The following PIM1 variants were observed in gnomAD, a reference collection of about 807,000 sequenced individuals.
PIM1 encodes the protein serine/threonine-protein kinase pim-1.
Under a neutral mutation model 34.5 loss-of-function variants are expected in PIM1, and 9 were observed. The ratio of observed to expected loss-of-function variants is 0.26; its 90% CI spans 0.16 to 0.46. The LOEUF is 0.46. Among genes scored for constraint, PIM1 ranks in the 20% least tolerant of loss-of-function variants. The pLI is 1.00. For synonymous variants in PIM1, 199 were observed against 175.2 expected (o/e 1.14, Z -1.07); for missense variants, 274 against 410.9 (o/e 0.67, Z 2.88).
In PIM1 at chr6:37,172,923, T is replaced by C. The variant is rs1762332526; in HGVS notation, c.608-73T>C. 5 of 1,272,618 alleles carry C rather than the reference T, an allele frequency of 3.9e-6. No homozygotes were observed. In the South Asian group the frequency reaches 4.9e-5, roughly 13 times the overall value. 78.8% of individuals were successfully genotyped at this position (1,272,618 alleles called of 1,614,324 possible). A position where few individuals can be genotyped will look rare whatever the true frequency, so the allele number is the denominator to read the frequency against. On this transcript the variant is annotated intron_variant, in intron 4 of 5. Transcript: ENST00000373509. ...TTTTTTTTTTTAAAAGAAAGAGTTA[T>C]ATATACCACCCAGCTTCTTTGTGCT...
rs372702661 is a variant in PIM1 at position 37,170,893 on chromosome 6, C to T, written c.189+14C>T. On this transcript the variant is annotated intron_variant, in intron 2 of 5. Coordinates refer to ENST00000373509, the MANE Select transcript of PIM1 (RefSeq NM_002648.4). Reference sequence around the variant, plus strand: ...GACAACTTGCCGGTGAGTGGGCGCCCCGCGGTGGGGAGGGCGCGCCGGGCG... The same window carrying T: ...GACAACTTGCCGGTGAGTGGGCGCCTCGCGGTGGGGAGGGCGCGCCGGGCG... 1.1e-4 allele frequency: 175 copies of T among 1,612,160 alleles called. No individual in the cohort carries two copies. In the African/African-American group the frequency reaches 2.1e-3, roughly 19 times the overall value.
chr6:37,173,222 A>G (rs1310290564), intron 5 of PIM1, 50 bp downstream of exon 5: 2 of 1,530,090 alleles, frequency 1.3e-6, no homozygotes, highest in Middle Eastern at 1.7e-4. Flanking sequence ...TAATGGGGCT[A>G]TTAGTCTTCA....
chr6:37,174,602 CCA>C lies in PIM1; in HGVS notation c.*512_*513del, dbSNP rs1460268759. On this transcript the variant is annotated 3_prime_UTR_variant, in exon 6 of 6. Coordinates refer to ENST00000373509, the MANE Select transcript of PIM1 (RefSeq NM_002648.4). ...CTTGCCTCTTTTACCTGCTGCTTCT[CCA>C]AAAATCTGCCTGGGTTTTGTTCCCT... 4.3e-6 allele frequency: 1 copy of C among 234,018 alleles called. No homozygotes were observed. Among genetic ancestry groups the C allele is most frequent in the Non-Finnish European group, 8.4e-6 (1 of 118,364 alleles). 14.5% of individuals were successfully genotyped at this position (234,018 alleles called of 1,614,324 possible).
intron 1 of PIM1, 28 bp downstream of exon 1, chr6:37,170,685 G>T (rs367735069): frequency 1.7e-5 from 28 of 1,606,776 alleles, no homozygotes; most frequent in Non-Finnish European, 2.4e-5. Flanking sequence ...CTCCGGCCCG[G>T]GGATGCGGGG....
intron 5 of PIM1, 37 bp from the exon 6 acceptor site, chr6:37,173,897 G>A (rs1489743461): frequency 6.3e-7 from 1 of 1,580,884 alleles, no homozygotes; most frequent in Admixed American, 1.8e-5. Context: ...AAAACAAGTT[G>A]AGTCATTCAT....
In PIM1 at chr6:37,170,312, G is replaced by A; in HGVS notation, c.-264G>A. On this transcript the variant is annotated 5_prime_UTR_variant, in exon 1 of 6. Coordinates refer to ENST00000373509, the MANE Select transcript of PIM1 (RefSeq NM_002648.4). The stretch of plus-strand genomic sequence containing the variant: ...CTCCTGCCCCGCGGCGCTGCCGCAC[G>A]AGCCCCACGAGCCGCTCACCCCGCC... 2 of 1,439,756 alleles carry A rather than the reference G, an allele frequency of 1.4e-6. No homozygotes were observed. The highest frequency in any genetic ancestry group is 1.8e-6 in the Non-Finnish European group (2 of 1,099,258). The allele number at this position is 1,439,756 out of a possible 1,614,324, so 89.2% of individuals were successfully genotyped here.
At chr6:37,171,567 C>G (rs1762286805) in intron 4 of PIM1, 76 bp downstream of exon 4, 2 of 1,521,564 alleles carry the variant, frequency 1.3e-6, no homozygotes, top group Admixed American at 4.4e-5. Flanking sequence ...CGGCCAGTCT[C>G]CCGCGCCAGC....
rs1209123331 is a variant in PIM1, at chr6:37,170,645, A to G, written c.70A>G (p.Lys24Glu). ...GCCCTGCAACGACCTGCACGCCACC[A>G]AGCTGGCGCCCGGTGAGAGCACCCC... ...AAPCNDLHAT[K>E]LAPGKEKEPL... The change falls in exon 1 of 6, where the codon AAG (lysine) becomes GAG (glutamate). Residue 24 changes from lysine (K) to glutamate (E), a missense_variant. By Grantham distance (56) the Lys-to-Glu change is moderately conservative. This residue lies in a region of PIM1 where 106 missense variants were observed against 111.5 expected (regional missense o/e 0.95). Transcript: ENST00000373509. 3 of 1,611,854 alleles carry G rather than the reference A, an allele frequency of 1.9e-6. No homozygotes were observed. The highest frequency in any genetic ancestry group is 1.3e-5 in the African/African-American group (1 of 74,674).
chr6:37,171,063 G>A, intron 3 of PIM1, 32 bp downstream of exon 3: 1 of 1,613,914 alleles, frequency 6.2e-7, no homozygotes, highest in Non-Finnish European at 8.5e-7. Flanking sequence ...CCCCCAGGAT[G>A]AGTGGGTGGG....
Position 37,174,258 on chromosome 6 carries a change from C to T in PIM1, c.*167C>T. ...CAGATCCCAGGCCCCTGGAGGCTGCCTCCCAACAGTGGGGAAGAGTGACTC... is the reference window on the plus strand; with the variant it reads ...CAGATCCCAGGCCCCTGGAGGCTGCTTCCCAACAGTGGGGAAGAGTGACTC... On this transcript the variant is annotated 3_prime_UTR_variant, in exon 6 of 6. Coordinates refer to ENST00000373509, the MANE Select transcript of PIM1 (RefSeq NM_002648.4). 1.5e-6 allele frequency: 1 copy of T among 646,822 alleles called. No individual in the cohort carries two copies. Among genetic ancestry groups the T allele is most frequent in the Non-Finnish European group, 2.6e-6 (1 of 389,906 alleles). The allele number at this position is 646,822 out of a possible 1,614,324, so 40.1% of individuals were successfully genotyped here.
chr6:37,170,247 G>GGCAGCA lies in PIM1; in HGVS notation c.-304_-299dup, dbSNP rs59116171. The stretch of plus-strand genomic sequence containing the variant: ...CGGTGGCAGCGGCGGCGGCGGGACC[G>GGCAGCA]GCAGCAGCAGCAGCAGCAGCAGCAG... On this transcript the variant is annotated 5_prime_UTR_variant, in exon 1 of 6. Transcript: ENST00000373509. The GGCAGCA allele has an allele frequency of 2.6e-4, 316 of 1,203,642 alleles. 2 individuals carry two copies. In the African/African-American group the frequency reaches 4.2e-3, roughly 16 times the overall value. The allele number at this position is 1,203,642 out of a possible 1,614,324, so 74.6% of individuals were successfully genotyped here. A position where few individuals can be genotyped will look rare whatever the true frequency, so the allele number is the denominator to read the frequency against.
At position 37,170,463 on chromosome 6, in the gene PIM1, G is replaced by T; in HGVS notation, c.-113G>T. On this transcript the variant is annotated 5_prime_UTR_variant, in exon 1 of 6. Coordinates refer to ENST00000373509, the MANE Select transcript of PIM1 (RefSeq NM_002648.4). ...CGCAGCCACAGCCGCAACGCCACCC[G>T]CAGCCACAGCCACAGCCACAGCCCC... is the stretch of plus-strand genomic sequence containing the variant. The T allele has an allele frequency of 6.4e-7, 1 of 1,557,926 alleles. No individual in the cohort carries two copies. Among genetic ancestry groups the T allele is most frequent in the Non-Finnish European group, 8.6e-7 (1 of 1,157,948 alleles).
In PIM1 at chr6:37,170,569, G is replaced by A. The variant is rs770100822; in HGVS notation, c.-7G>A. The A allele has an allele frequency of 3.1e-6, 5 of 1,612,942 alleles. No homozygotes were observed. The highest frequency in any genetic ancestry group is 3.4e-6 in the Non-Finnish European group (4 of 1,179,596). On this transcript the variant is annotated 5_prime_UTR_variant, in exon 1 of 6. Coordinates refer to ENST00000373509, the MANE Select transcript of PIM1 (RefSeq NM_002648.4). ...ACCGTCCCTGCGCCGACATCCTGGA[G>A]GTTGGGATGCTCTTGTCCAAAATCA...
chr6:37,174,456 TA>T lies in PIM1; in HGVS notation c.*366del. 1 of 265,850 alleles carries T rather than the reference TA, an allele frequency of 3.8e-6. No homozygotes were observed. The highest frequency in any genetic ancestry group is 7.3e-6 in the Non-Finnish European group (1 of 136,742). 16.5% of individuals were successfully genotyped at this position (265,850 alleles called of 1,614,324 possible). On this transcript the variant is annotated 3_prime_UTR_variant, in exon 6 of 6. Transcript: ENST00000373509. Reference sequence around the variant, plus strand: ...CTGCTGAATGCCGCGATGGGTCAGGTAGGGGGGAAACAGGTTGGGATGGGAT... The same window carrying T: ...CTGCTGAATGCCGCGATGGGTCAGGTGGGGGGAAACAGGTTGGGATGGGAT...
intron 4 of PIM1, chr6:37,172,443 GCT>G (rs1450156484): frequency 2.7e-6 from 1 of 375,678 alleles, no homozygotes; most frequent in African/African-American, 2.1e-5. Flanking sequence ...CAACCCTGCA[GCT>G]CTGTCTACCT....
intron 5 of PIM1, 35 bp from the exon 6 acceptor site, chr6:37,173,899 G>T: frequency 6.3e-7 from 1 of 1,583,284 alleles, no homozygotes. Context: ...AACAAGTTGA[G>T]TCATTCATAA....
intron 5 of PIM1, 101 bp from the exon 6 acceptor site, chr6:37,173,833 G>A: frequency 9.2e-7 from 1 of 1,091,676 alleles, no homozygotes; most frequent in Non-Finnish European, 1.3e-6. Flanking sequence ...GCCTCCCTGG[G>A]ACCCCAGACT....
In PIM1 at chr6:37,172,984, C is replaced by T. The variant is rs763714043; in HGVS notation, c.608-12C>T. 1 of 1,613,134 alleles carries T rather than the reference C, an allele frequency of 6.2e-7. No individual in the cohort carries two copies. The highest frequency in any genetic ancestry group is 2.2e-5 in the East Asian group (1 of 44,874). On this transcript the variant is annotated splice_polypyrimidine_tract_variant and intron_variant, in intron 4 of 5. Transcript: ENST00000373509. ...AAAAGTGTGTTTTCTCTTCTATTCCCTTGGCTCACAGGGACCCGAGTGTAT... is the reference window on the plus strand; with the variant it reads ...AAAAGTGTGTTTTCTCTTCTATTCCTTTGGCTCACAGGGACCCGAGTGTAT...
intron 4 of PIM1, among the ~76,000 whole-genome samples, chr6:37,171,801 G>C (rs2113770722): frequency 6.6e-6 from 1 of 152,296 alleles, no homozygotes; most frequent in African/African-American, 2.4e-5. Context: ...GTCTGACCCA[G>C]TTTCCCCGCC....
Sources: gnomAD v4.1 joint callset for allele counts (sites outside exome capture counted in the v4.1 genomes callset) on GRCh38, gnomAD v4.1.1 for gene constraint, gnomAD v4.1.1 regional missense constraint, MANE v1.5 for transcripts, NCBI Gene and HGNC (gene_info 2026-07-23, HGNC 2026-07-21) for gene names.